Variants in FBXO10 observed in about 807,000 individuals in gnomAD.
FBXO10 encodes the protein F-box only protein 10.
Under a neutral mutation model 80.7 loss-of-function variants are expected in FBXO10, and 39 were observed. The ratio of observed to expected loss-of-function variants is 0.48; its 90% confidence interval spans 0.37 to 0.63. The LOEUF (loss-of-function observed/expected upper bound fraction) is 0.63. Among genes scored for constraint, FBXO10 ranks in the 30% least tolerant of loss-of-function variants. FBXO10 has a pLI of 0.00. For synonymous variants in FBXO10, 449 were observed against 489.6 expected (o/e 0.92, Z 1.09); for missense variants, 1,025 against 1,269.0 (o/e 0.81, Z 2.92).
At chr9:37,528,516 T>TAA (rs1360331631) in intron 5 of FBXO10, among the ~76,000 whole-genome samples, 3 of 152,200 alleles carry the variant, frequency 2.0e-5, no homozygotes, top group African/African-American at 7.2e-5. Flanking sequence ...AGTCCAAGTC[T>TAA]TACCCATATT....
intron 2 of FBXO10, among the ~76,000 whole-genome samples, chr9:37,539,493 C>T (rs1047058649): frequency 2.6e-5 from 4 of 152,344 alleles, no homozygotes; most frequent in East Asian, 1.9e-4. Flanking sequence ...ACAAGTCTAA[C>T]GCCAGGCCTC....
At chr9:37,538,450 G>A (rs2182745) in intron 2 of FBXO10, among the ~76,000 whole-genome samples, 16,618 of 152,054 alleles carry the variant, frequency 0.11, 1,037 homozygotes, top group African/African-American at 0.17. Context: ...GCTCACGCCC[G>A]TAGTTCCAGC....
chr9:37,575,896 T>C (rs1822883420), intron 1 of FBXO10, among the ~76,000 whole-genome samples: 1 of 152,102 alleles, frequency 6.6e-6, no homozygotes, highest in Non-Finnish European at 1.5e-5. Flanking sequence ...ACTTACACAC[T>C]CGAAAAATCT....
intron 10 of FBXO10, 66 bp downstream of exon 10, chr9:37,515,838 G>A (rs755565588): frequency 5.9e-6 from 9 of 1,526,728 alleles, no homozygotes; most frequent in Non-Finnish European, 7.1e-6. Context: ...CTGGGTGTGG[G>A]CCTGGCTTCT....
chr9:37,537,514 C>G lies in FBXO10; in HGVS notation c.1015G>C (p.Glu339Gln), dbSNP rs1490096940. 6.2e-7 allele frequency: 1 copy of G among 1,612,438 alleles called. No individual in the cohort carries two copies. The highest frequency in any genetic ancestry group is 1.1e-5 in the South Asian group (1 of 90,690). ...PGSKAGSQEA[E>Q]VGSDGERVAQ... ...ACCCTTTCACCATCACTACCCACCT[C>G]TGCCTCCTGTGAGCCAGCCTTGGAG... Residue 339 changes from glutamate to glutamine, a missense_variant, in exon 3 of 11, where the codon GAG becomes CAG. Physicochemically the swap from Glu to Gln is conservative, Grantham distance 29. Coordinates refer to ENST00000432825, the MANE Select transcript of FBXO10 (RefSeq NM_012166.3).
intron 10 of FBXO10, among the ~76,000 whole-genome samples, chr9:37,513,495 C>T (rs1821112726): frequency 6.6e-6 from 1 of 152,160 alleles, no homozygotes; most frequent in Non-Finnish European, 1.5e-5. Context: ...GAATGAATCT[C>T]CAGCATGTTA....
intron 5 of FBXO10, among the ~76,000 whole-genome samples, chr9:37,528,875 T>A (rs1459437654): frequency 1.3e-5 from 2 of 152,116 alleles, no homozygotes; most frequent in Admixed American, 6.5e-5. Context: ...CAGGCTAGAG[T>A]AAGCTCCCAG....
chr9:37,529,037 C>G, intron 5 of FBXO10, 87 bp downstream of exon 5: 5 of 1,544,320 alleles, frequency 3.2e-6, no homozygotes, highest in Non-Finnish European at 4.4e-6. Flanking sequence ...TGCATCTGTA[C>G]AGTTGTTTCC....
intron 5 of FBXO10, 29 bp downstream of exon 5, chr9:37,529,095 A>G: frequency 7.4e-6 from 12 of 1,613,364 alleles, no homozygotes; most frequent in Non-Finnish European, 9.3e-6. Context: ...AGGTTAACAA[A>G]GATGAAGGAG....
intron 8 of FBXO10, among the ~76,000 whole-genome samples, chr9:37,519,589 G>C (rs867504364): frequency 6.6e-6 from 1 of 152,224 alleles, no homozygotes; most frequent in African/African-American, 2.4e-5. Flanking sequence ...GGTGGCACCA[G>C]CCTGTTGCTT....
Position 37,515,928 on chromosome 9 carries a change from T to G in FBXO10, c.2672A>C (p.Asn891Thr). ...CTTTTTCTTGAAGACCAGGAACTTG[T>G]TGTTTTGCATGATGCATTCTCGGTT... The part of the protein sequence containing the change: ...SNNRECIMQN[N>T]KFLVFKKKSD... Residue 891 changes from asparagine to threonine, a missense_variant, in exon 10 of 11, where the codon AAC becomes ACC. This residue lies in a region of FBXO10 where 97 missense variants were observed against 101.8 expected (regional missense o/e 0.95). Coordinates refer to ENST00000432825, the MANE Select transcript of FBXO10 (RefSeq NM_012166.3). 1.2e-6 allele frequency: 2 copies of G among 1,613,810 alleles called. No individual in the cohort carries two copies. Among genetic ancestry groups the G allele is most frequent in the Non-Finnish European group, 1.7e-6 (2 of 1,179,802 alleles).
intron 10 of FBXO10, among the ~76,000 whole-genome samples, chr9:37,513,191 G>T (rs1277407560): frequency 6.6e-6 from 1 of 151,892 alleles, no homozygotes; most frequent in African/African-American, 2.4e-5. Flanking sequence ...GTGAGACAGG[G>T]TCTCATTATG....
intron 5 of FBXO10, among the ~76,000 whole-genome samples, chr9:37,525,691 C>T (rs1393988443): frequency 6.6e-6 from 1 of 152,026 alleles, no homozygotes; most frequent in Non-Finnish European, 1.5e-5. Flanking sequence ...GTGTGCGCCA[C>T]CACATCCAGC....
intron 4 of FBXO10, among the ~76,000 whole-genome samples, chr9:37,531,592 G>A (rs1821624609): frequency 6.6e-6 from 1 of 152,132 alleles, no homozygotes; most frequent in African/African-American, 2.4e-5. Context: ...GTGTCTTTAG[G>A]GCAGACATCA....
chr9:37,535,525 T>A (rs1821739791), intron 3 of FBXO10, among the ~76,000 whole-genome samples: 1 of 152,020 alleles, frequency 6.6e-6, no homozygotes, highest in Non-Finnish European at 1.5e-5. Flanking sequence ...CTATTTTTTT[T>A]TTATTTTATT....
At chr9:37,567,311 T>TC (rs1822634214) in intron 1 of FBXO10, among the ~76,000 whole-genome samples, 1 of 94,722 alleles carries the variant, frequency 1.1e-5, no homozygotes, top group South Asian at 2.8e-4. Flanking sequence ...CCCAGCTAAA[T>TC]TTTTTTTTTT....
intron 1 of FBXO10, among the ~76,000 whole-genome samples, chr9:37,543,628 G>A (rs1264149437): frequency 6.6e-6 from 1 of 152,212 alleles, no homozygotes; most frequent in Admixed American, 6.5e-5. Context: ...CATAGCTCTA[G>A]TCTATTCTCA....
At chr9:37,538,099 G>C (rs1485024317) in intron 2 of FBXO10, among the ~76,000 whole-genome samples, 156 bp from the exon 3 acceptor site, 6 of 152,114 alleles carry the variant, frequency 3.9e-5, no homozygotes, top group Admixed American at 2.6e-4. Context: ...TCCCCAAAAG[G>C]AACTGGGGAG....
At chr9:37,550,331 C>T (rs569611606) in intron 1 of FBXO10, among the ~76,000 whole-genome samples, 5 of 150,282 alleles carry the variant, frequency 3.3e-5, no homozygotes, top group East Asian at 2.0e-4. Context: ...TACAGGCACC[C>T]GCCACAATGC....
Sources: gnomAD v4.1 joint callset for allele counts (sites outside exome capture counted in the v4.1 genomes callset) on GRCh38, gnomAD v4.1.1 for gene constraint, gnomAD v4.1.1 regional missense constraint, MANE v1.5 for transcripts, NCBI Gene and HGNC (gene_info 2026-07-23, HGNC 2026-07-21) for gene names.